Variants in FSTL4 observed in about 807,000 individuals in gnomAD.
FSTL4 encodes the protein follistatin like 4.
In FSTL4, 28 loss-of-function variants were observed where a neutral mutation model predicts 78.2. The observed-to-expected ratio is 0.36, with a 90% CI of 0.27 to 0.49. The LOEUF (loss-of-function observed/expected upper bound fraction) is 0.49. FSTL4 is among the 20% of genes least tolerant of loss of function. The pLI, the probability that FSTL4 is intolerant of heterozygous loss-of-function variation, is 0.98. For missense variants in FSTL4, 922 were observed against 1,084.9 expected, an observed-to-expected ratio of 0.85 and a Z score of 2.11; for synonymous variants, 422 against 440.5, an observed-to-expected ratio of 0.96 and a Z score of 0.53.
At chr5:133,252,861 T>C (rs962155283) in intron 6 of FSTL4, among the ~76,000 whole-genome samples, 1 of 152,202 alleles carries the variant, frequency 6.6e-6, no homozygotes, top group African/African-American at 2.4e-5. Flanking sequence ...TCCGGTCCTC[T>C]GCTGGCTGGG....
intron 3 of FSTL4, among the ~76,000 whole-genome samples, chr5:133,411,547 A>C (rs1756478012): frequency 6.6e-6 from 1 of 152,244 alleles, no homozygotes; most frequent in Non-Finnish European, 1.5e-5. Flanking sequence ...GAGTGAAAAT[A>C]GAAATAAAGA....
chr5:133,811,504 C>T, the FSTL4 span, among the ~76,000 whole-genome samples: 1 of 152,202 alleles, frequency 6.6e-6, no homozygotes, highest in Non-Finnish European at 1.5e-5. Flanking sequence ...CCCCAAGAAG[C>T]ATGTCTTACA....
the FSTL4 span, among the ~76,000 whole-genome samples, chr5:133,759,518 G>A: frequency 6.6e-6 from 1 of 152,208 alleles, no homozygotes; most frequent in South Asian, 2.1e-4. Context: ...TTATGGCAAT[G>A]TTTGTAACAG....
Position 133,612,072 on chromosome 5 carries a change from C to T in FSTL4, c.-11+253G>A, listed in dbSNP as rs776512615. ...AGACCCCGGCCACGAGCCTCGGCGT[C>T]CCAGCCTCTCCTCGAGTCCTGGCCT... On this transcript the variant is annotated intron_variant, in intron 1 of 15. Coordinates refer to ENST00000265342, the MANE Select transcript of FSTL4 (RefSeq NM_015082.2). This position sits in a 1 kb window ranked among gnomAD's most constrained non-coding sequence, Gnocchi z 6.2. 6.5e-4 allele frequency among the ~76,000 whole-genome samples: 99 copies of T among 152,124 alleles called. No individual in the cohort carries two copies. Among genetic ancestry groups the T allele is most frequent in the Non-Finnish European group, 9.7e-4 (66 of 67,960 alleles).
At chr5:133,573,274 A>C (rs553531488) in intron 2 of FSTL4, among the ~76,000 whole-genome samples, 2 of 152,174 alleles carry the variant, frequency 1.3e-5, no homozygotes, top group South Asian at 2.1e-4. Flanking sequence ...CAAAACAAAA[A>C]AAATAAATAA....
At chr5:133,488,046 T>C (rs1758172902) in intron 3 of FSTL4, among the ~76,000 whole-genome samples, 1 of 152,262 alleles carries the variant, frequency 6.6e-6, no homozygotes, top group African/African-American at 2.4e-5. Context: ...TCACTACTAA[T>C]ACAAAGATAG....
At chr5:133,308,176 T>C (rs1343587916) in intron 6 of FSTL4, among the ~76,000 whole-genome samples, 1 of 152,210 alleles carries the variant, frequency 6.6e-6, no homozygotes, top group Non-Finnish European at 1.5e-5. Context: ...AATCAGTTCT[T>C]CGGCCACTTT....
chr5:133,268,224 TAGATTC>T (rs1752687752), intron 6 of FSTL4, among the ~76,000 whole-genome samples: 2 of 152,176 alleles, frequency 1.3e-5, no homozygotes, highest in Admixed American at 1.3e-4. Flanking sequence ...GAGCGGAGGC[TAGATTC>T]CCCTTCCTGG....
chr5:133,663,733 GCT>G, the FSTL4 span, among the ~76,000 whole-genome samples: 1 of 152,254 alleles, frequency 6.6e-6, no homozygotes, highest in Non-Finnish European at 1.5e-5. Flanking sequence ...AGCCAGAAGT[GCT>G]CCCCCATGGG....
chr5:133,486,161 T>C (rs866201666), intron 3 of FSTL4, among the ~76,000 whole-genome samples: 2 of 149,966 alleles, frequency 1.3e-5, no homozygotes, highest in Non-Finnish European at 3.0e-5. Context: ...AGAGACAGGA[T>C]TGGGGGAAGG....
At position 133,233,524 on chromosome 5, in the gene FSTL4, T is replaced by A; in HGVS notation, c.908A>T (p.Asp303Val). Residue 303 changes from aspartate to valine, a missense_variant, in exon 8 of 16, where the codon GAT (aspartate) becomes GTT (valine). Transcript: ENST00000265342. ...CACCTTGGTGATGTACAGGGAATCATCCTCTCCAAAGTCCTGCACAGGGCA... is the reference window on the plus strand; with the variant it reads ...CACCTTGGTGATGTACAGGGAATCAACCTCTCCAAAGTCCTGCACAGGGCA... Reference protein sequence around the residue: ...DLEDINDFGEDDSLYITKVTT... With the variant: ...DLEDINDFGEVDSLYITKVTT... The A allele has an allele frequency of 6.2e-7, 1 of 1,613,968 alleles. No individual in the cohort carries two copies. The highest frequency in any genetic ancestry group is 1.3e-5 in the African/African-American group (1 of 75,004).
intron 4 of FSTL4, among the ~76,000 whole-genome samples, chr5:133,336,574 C>T (rs1754470060): frequency 6.6e-6 from 1 of 152,158 alleles, no homozygotes; most frequent in Non-Finnish European, 1.5e-5. Flanking sequence ...TATTCCCTGC[C>T]CCCATTGACC....
At chr5:133,319,299 T>TC (rs1014127980) in intron 4 of FSTL4, among the ~76,000 whole-genome samples, 2 of 152,176 alleles carry the variant, frequency 1.3e-5, no homozygotes, top group Non-Finnish European at 2.9e-5. Context: ...GAGCCCACGG[T>TC]CCCACCCCCT....
intron 6 of FSTL4, among the ~76,000 whole-genome samples, chr5:133,277,440 T>A (rs987817643): frequency 1.3e-5 from 2 of 152,208 alleles, no homozygotes; most frequent in Non-Finnish European, 2.9e-5. Flanking sequence ...ATGGGGACAG[T>A]GGTTGCACAG....
chr5:133,762,852 T>C, the FSTL4 span, among the ~76,000 whole-genome samples: 94,810 of 152,012 alleles, frequency 0.62, 29,894 homozygotes, highest in Non-Finnish European at 0.67. Context: ...GAAGTGGGAT[T>C]TCCCTGACTC....
At chr5:133,322,013 A>G (rs1754070116) in intron 4 of FSTL4, among the ~76,000 whole-genome samples, 5 of 152,206 alleles carry the variant, frequency 3.3e-5, no homozygotes, top group Non-Finnish European at 7.3e-5. Context: ...TGTTGTTCTA[A>G]ATAAGGGGAT....
chr5:133,575,383 T>G (rs924517257), intron 2 of FSTL4: 3 of 152,236 alleles, frequency 2.0e-5, no homozygotes, highest in African/African-American at 7.2e-5. Context: ...AGTCTCTGTT[T>G]GTTGATCTGT....
intron 3 of FSTL4, among the ~76,000 whole-genome samples, chr5:133,514,754 C>A (rs1758819506): frequency 6.6e-6 from 1 of 152,152 alleles, no homozygotes; most frequent in African/African-American, 2.4e-5. Flanking sequence ...AGCCAGCAAA[C>A]CACAAAACAA....
intron 4 of FSTL4, among the ~76,000 whole-genome samples, chr5:133,391,303 C>T (rs543718562): frequency 1.9e-4 from 29 of 152,188 alleles, no homozygotes; most frequent in Non-Finnish European, 3.2e-4. Flanking sequence ...CTTCTTCTTG[C>T]TCCAGTAATT....
Sources: allele counts gnomAD v4.1 joint callset (sites outside exome capture counted in the v4.1 genomes callset), GRCh38; gene constraint gnomAD v4.1.1; non-coding constraint Gnocchi (gnomAD v3.1); transcripts MANE v1.5; gene names NCBI Gene and HGNC (gene_info 2026-07-23, HGNC 2026-07-21).